Variants in LRRC7 observed in about 807,000 individuals in gnomAD.
LRRC7 encodes the protein leucine-rich repeat-containing protein 7.
LRRC7 carries 23 observed loss-of-function variants against 175.7 expected under a neutral mutation model. That is an observed-to-expected ratio of 0.13 (90% CI 0.09 to 0.19). The LOEUF is 0.19. LRRC7 is among the 10% of genes least tolerant of loss of function. LRRC7 has a pLI of 1.00. For missense variants in LRRC7, 1,354 were observed against 1,904.7 expected, an observed-to-expected ratio of 0.71 and a Z score of 5.38; for synonymous variants, 685 against 680.9, an observed-to-expected ratio of 1.01 and a Z score of -0.09.
chr1:69,960,095 G>A (rs1013330161), intron 8 of LRRC7, among the ~76,000 whole-genome samples: 1 of 152,024 alleles, frequency 6.6e-6, no homozygotes, highest in Non-Finnish European at 1.5e-5. Flanking sequence ...GTAGAATTCA[G>A]CTGTGAATCC....
chr1:70,030,469 C>A (rs1658597273), intron 18 of LRRC7, among the ~76,000 whole-genome samples: 2 of 152,246 alleles, frequency 1.3e-5, no homozygotes, highest in African/African-American at 4.8e-5. Context: ...TCTGTATTAT[C>A]CTCCTGCCTC....
At chr1:69,864,814 A>G (rs1346570769) in intron 7 of LRRC7, among the ~76,000 whole-genome samples, 1 of 152,184 alleles carries the variant, frequency 6.6e-6, no homozygotes, top group African/African-American at 2.4e-5. Flanking sequence ...CCTATCATGT[A>G]TTAAGGAACG....
At chr1:69,846,390 C>G (rs1313074100) in intron 7 of LRRC7, among the ~76,000 whole-genome samples, 1 of 152,082 alleles carries the variant, frequency 6.6e-6, no homozygotes, top group Non-Finnish European at 1.5e-5. Context: ...TCAAATTGCT[C>G]TTTTCAGACT....
At chr1:69,961,531 C>G (rs911529168) in intron 8 of LRRC7, among the ~76,000 whole-genome samples, 5 of 152,314 alleles carry the variant, frequency 3.3e-5, no homozygotes, top group African/African-American at 7.2e-5. Context: ...CAAGGCCAAA[C>G]TGGGCAGAAA....
At chr1:69,837,824 C>T (rs187896556) in intron 6 of LRRC7, among the ~76,000 whole-genome samples, 106 of 150,366 alleles carry the variant, frequency 7.0e-4, no homozygotes, top group African/African-American at 2.6e-3. Context: ...TACTCATAAT[C>T]AATATATATA....
At chr1:70,111,589 C>A (rs1021001973) in intron 26 of LRRC7, among the ~76,000 whole-genome samples, 2 of 151,976 alleles carry the variant, frequency 1.3e-5, no homozygotes, top group African/African-American at 4.8e-5. Flanking sequence ...AATGTTCTTT[C>A]CAGCTAAAAA....
intron 2 of LRRC7, among the ~76,000 whole-genome samples, chr1:69,727,282 T>A (rs1196442137): frequency 1.3e-5 from 2 of 152,154 alleles, no homozygotes; most frequent in Non-Finnish European, 2.9e-5. Flanking sequence ...TCTGGGATGG[T>A]CAGCACCTCA....
chr1:69,666,445 T>C (rs1409248411), intron 1 of LRRC7, among the ~76,000 whole-genome samples: 1 of 152,114 alleles, frequency 6.6e-6, no homozygotes, highest in Non-Finnish European at 1.5e-5. Context: ...CATTCGGTCC[T>C]AGGCTTTTCT....
At chr1:69,692,008 T>A (rs909231291) in intron 2 of LRRC7, among the ~76,000 whole-genome samples, 7 of 152,136 alleles carry the variant, frequency 4.6e-5, no homozygotes, top group Non-Finnish European at 1.0e-4. Flanking sequence ...TCTTTATTAC[T>A]TATAAAGGCT....
chr1:69,815,877 C>A (rs1454988886), intron 4 of LRRC7, among the ~76,000 whole-genome samples: 2 of 152,102 alleles, frequency 1.3e-5, no homozygotes, highest in African/African-American at 4.8e-5. Context: ...TTAAAAAGAC[C>A]ACTGGGAGCA....
In LRRC7 at chr1:69,887,953, C is replaced by T. The variant is rs373035451; in HGVS notation, c.648-43554C>T. 9.2e-5 allele frequency among the ~76,000 whole-genome samples: 13 copies of T among 142,074 alleles called. No homozygotes were observed. In the East Asian group the frequency reaches 1.9e-3, roughly 20 times the overall value. The allele number at this position is 142,074 out of a possible 152,430, so 93.2% of individuals were successfully genotyped here. On this transcript the variant is annotated intron_variant, in intron 7 of 26. Transcript: ENST00000651989. ...TCAGGGGTCAGGGGTCAGGGACCCA[C>T]TTGAGGAGGCAGTCTGCCCGTTCTC...
intron 10 of LRRC7, among the ~76,000 whole-genome samples, chr1:69,993,847 G>C (rs1345552831): frequency 6.6e-6 from 1 of 152,124 alleles, no homozygotes; most frequent in Admixed American, 6.6e-5. Context: ...GTTGGATAAG[G>C]AAGTTGATTA....
chr1:69,825,592 G>A (rs1406395850), intron 4 of LRRC7, among the ~76,000 whole-genome samples, 156 bp from the exon 5 acceptor site: 3 of 151,788 alleles, frequency 2.0e-5, no homozygotes, highest in African/African-American at 7.3e-5. Context: ...ATATTGATAT[G>A]TTATTAAGTT....
chr1:69,629,848 C>G (rs1016482605), intron 1 of LRRC7, among the ~76,000 whole-genome samples: 1 of 152,004 alleles, frequency 6.6e-6, no homozygotes, highest in Non-Finnish European at 1.5e-5. Flanking sequence ...TATTCAGTAA[C>G]TATTTCTTAT....
At chr1:69,881,971 T>A in intron 7 of LRRC7, among the ~76,000 whole-genome samples, 2 of 135,130 alleles carry the variant, frequency 1.5e-5, no homozygotes, top group South Asian at 2.3e-4. Flanking sequence ...AAGAAGTTAA[T>A]ATCCAAAATA....
intron 5 of LRRC7, among the ~76,000 whole-genome samples, chr1:69,833,920 G>A (rs1005414032): frequency 6.6e-6 from 1 of 151,842 alleles, no homozygotes; most frequent in East Asian, 1.9e-4. Flanking sequence ...TTGAGGAGAA[G>A]GCAAATTTGA....
rs76869657 is a variant in LRRC7 at position 69,775,177 on chromosome 1, T to C, written c.303+14784T>C. Among the ~76,000 whole-genome samples the C allele has an allele frequency of 4.1e-3, 622 of 152,236 alleles. 5 individuals are homozygous for C. The highest frequency in any genetic ancestry group is 0.014 in the African/African-American group (597 of 41,548). ...AAAGCCACACTAATAAAAATATATG[T>C]CCAGGGCGCAAGTATATTATAAAAC... On this transcript the variant is annotated intron_variant, in intron 3 of 26. Transcript: ENST00000651989.
At chr1:69,622,266 C>T (rs910781497) in intron 1 of LRRC7, among the ~76,000 whole-genome samples, 1 of 152,182 alleles carries the variant, frequency 6.6e-6, no homozygotes, top group African/African-American at 2.4e-5. Flanking sequence ...TCTCTTGACA[C>T]TAGTTTTGGG....
chr1:70,036,522 C>T lies in LRRC7; in HGVS notation c.2186C>T (p.Ser729Leu). 3 of 1,614,050 alleles carry T rather than the reference C, an allele frequency of 1.9e-6. No individual in the cohort carries two copies. Among genetic ancestry groups the T allele is most frequent in the Non-Finnish European group, 2.5e-6 (3 of 1,179,926 alleles). Residue 729 changes from serine to leucine, a missense_variant, in exon 20 of 27, where the codon TCG (serine) becomes TTG (leucine). This residue lies in a region of LRRC7 where 1,032 missense variants were observed against 1,227.2 expected (regional missense o/e 0.84). Transcript: ENST00000651989. Reference sequence around the variant, plus strand: ...TCCTCAGGCACTTACTCAGACTACTCGCCTTCCCAGGCTTCCTCAGGATCC... The same window carrying T: ...TCCTCAGGCACTTACTCAGACTACTTGCCTTCCCAGGCTTCCTCAGGATCC... ...SVSSGTYSDY[S>L]PSQASSGSSN... is the part of the protein sequence containing the mutation.
Sources: allele counts gnomAD v4.1 joint callset (sites outside exome capture counted in the v4.1 genomes callset), GRCh38; gene constraint gnomAD v4.1.1; regional missense constraint gnomAD v4.1.1; transcripts MANE v1.5; gene names NCBI Gene and HGNC (gene_info 2026-07-23, HGNC 2026-07-21).